Variants in DCLK1 observed in about 807,000 individuals in gnomAD.
DCLK1 encodes the protein serine/threonine-protein kinase DCLK1.
Under a neutral mutation model 86.2 loss-of-function variants are expected in DCLK1, and 16 were observed. The ratio of observed to expected loss-of-function variants is 0.19; its 90% CI spans 0.13 to 0.28. The LOEUF (loss-of-function observed/expected upper bound fraction) is 0.28, where lower values mean the gene tolerates loss of function less well. Ranked by LOEUF, DCLK1 falls within the 10% of genes least tolerant of loss-of-function variation. The probability of loss-of-function intolerance (pLI) is 1.00; values close to 1 mark genes in which losing one functional copy is unlikely to be tolerated. For missense variants in DCLK1, 590 were observed against 940.2 expected, an observed-to-expected ratio of 0.63 and a Z score of 4.87; for synonymous variants, 369 against 370.5, an observed-to-expected ratio of 1.00 and a Z score of 0.05.
chr13:36,042,833 G>A (rs559245427), intron 3 of DCLK1, among the ~76,000 whole-genome samples: 20 of 152,272 alleles, frequency 1.3e-4, no homozygotes, highest in African/African-American at 4.3e-4. Context: ...TTTTTTGTCT[G>A]TTCTGTTCCA....
chr13:35,861,468 C>G (rs1394300298), intron 5 of DCLK1, among the ~76,000 whole-genome samples: 1 of 152,078 alleles, frequency 6.6e-6, no homozygotes, highest in African/African-American at 2.4e-5. Context: ...AAGCCTGGAG[C>G]CAGCCTGGGA....
chr13:36,001,783 T>C (rs1038771577), intron 3 of DCLK1, among the ~76,000 whole-genome samples: 1 of 152,208 alleles, frequency 6.6e-6, no homozygotes, highest in African/African-American at 2.4e-5. Flanking sequence ...TAATTTTTTT[T>C]TTCTTGGAAG....
At chr13:36,035,473 G>C (rs560634697) in intron 3 of DCLK1, among the ~76,000 whole-genome samples, 3 of 152,128 alleles carry the variant, frequency 2.0e-5, no homozygotes, top group East Asian at 3.9e-4. Context: ...AAGTAGTATT[G>C]GGGGGAAAGG....
chr13:35,785,122 T>A (rs560436240), intron 16 of DCLK1, among the ~76,000 whole-genome samples: 1 of 152,260 alleles, frequency 6.6e-6, no homozygotes, highest in Non-Finnish European at 1.5e-5. Context: ...TTATTTCTCA[T>A]GTTTAGCTTA....
intron 6 of DCLK1, chr13:35,848,217 T>A: frequency 2.0e-6 from 2 of 985,250 alleles, no homozygotes; most frequent in Non-Finnish European, 2.4e-6. Context: ...ATTGCCGAAT[T>A]TTTTTTATAA....
intron 11 of DCLK1, among the ~76,000 whole-genome samples, chr13:35,817,627 A>T (rs1249651213): frequency 6.6e-6 from 1 of 152,178 alleles, no homozygotes; most frequent in Non-Finnish European, 1.5e-5. Context: ...TTTGATGAGA[A>T]TCACCATGCC....
At chr13:35,980,335 G>A (rs970287834) in intron 3 of DCLK1, among the ~76,000 whole-genome samples, 3 of 152,066 alleles carry the variant, frequency 2.0e-5, no homozygotes, top group African/African-American at 7.2e-5. Context: ...CGCACCTGTG[G>A]TCCCAGCCAC....
Position 36,056,906 on chromosome 13 carries a change from A to ATAT in DCLK1, c.723+54962_723+54963insATA, listed in dbSNP as rs1555359541. 5.9e-3 allele frequency among the ~76,000 whole-genome samples: 767 copies of ATAT among 130,114 alleles called. 7 individuals carry two copies. The highest frequency in any genetic ancestry group is 0.018 in the African/African-American group (651 of 35,498). The allele number at this position is 130,114 out of a possible 152,430, so 85.4% of individuals were successfully genotyped here. Reference sequence around the variant, plus strand: ...GCAAGACTGTGACAAAAAAAAAAAAAATATATATATATATATATATACACA... The same window carrying ATAT: ...GCAAGACTGTGACAAAAAAAAAAAAATATATATATATATATATATATATACACA... On this transcript the variant is annotated intron_variant, in intron 3 of 16. Transcript: ENST00000360631.
At chr13:35,978,664 ACT>A (rs1566630124) in intron 3 of DCLK1, among the ~76,000 whole-genome samples, 6 of 152,166 alleles carry the variant, frequency 3.9e-5, no homozygotes, top group South Asian at 2.1e-4. Flanking sequence ...GAATTTGAAC[ACT>A]CTCAAACAAC....
intron 3 of DCLK1, among the ~76,000 whole-genome samples, chr13:36,043,546 G>A (rs1170320192): frequency 6.6e-6 from 1 of 152,036 alleles, no homozygotes; most frequent in Non-Finnish European, 1.5e-5. Flanking sequence ...TGCCTAAAGA[G>A]TGCCCAGTAC....
rs1156608774 is a variant in DCLK1 at position 36,017,415 on chromosome 13, A to C, written c.724-69958T>G. Reference sequence around the variant, plus strand: ...AGTCCATAACCTTTGGAATTAAATAAAATCCAGTGCAGGGGATAGTTTGAT... The same window carrying C: ...AGTCCATAACCTTTGGAATTAAATACAATCCAGTGCAGGGGATAGTTTGAT... On this transcript the variant is annotated intron_variant, in intron 3 of 16. Transcript: ENST00000360631. 2.0e-5 allele frequency among the ~76,000 whole-genome samples: 3 copies of C among 152,220 alleles called. No homozygotes were observed. The East Asian group carries it at 5.8e-4, about 29-fold the overall frequency.
intron 3 of DCLK1, among the ~76,000 whole-genome samples, chr13:36,085,506 C>A (rs1884560109): frequency 6.6e-6 from 1 of 152,066 alleles, no homozygotes; most frequent in Non-Finnish European, 1.5e-5. Context: ...TGCCACTGTC[C>A]CCAAAGACAA....
At chr13:35,919,190 C>A (rs141632322) in intron 4 of DCLK1, among the ~76,000 whole-genome samples, 129 of 152,190 alleles carry the variant, frequency 8.5e-4, no homozygotes, top group Non-Finnish European at 1.7e-3. Flanking sequence ...CCACACTCGG[C>A]CCCCAAGAGT....
At chr13:36,110,156 T>C (rs778464980) in intron 3 of DCLK1, among the ~76,000 whole-genome samples, 2 of 152,318 alleles carry the variant, frequency 1.3e-5, no homozygotes, top group South Asian at 2.1e-4. Flanking sequence ...AAATTCAATA[T>C]ATGAAAATTC....
chr13:35,839,293 A>C (rs1294804339), intron 6 of DCLK1, 117 bp from the exon 7 acceptor site: 3 of 793,092 alleles, frequency 3.8e-6, no homozygotes, highest in Non-Finnish European at 6.0e-6. Flanking sequence ...GGAGGATTTG[A>C]TCTTAACACT....
chr13:36,045,340 A>ATCTATC lies in DCLK1; in HGVS notation c.723+66528_723+66529insGATAGA, dbSNP rs765084884. ...TATATGTGTGTGTGTGTGTATATAT[A>ATCTATC]TATATATATATATATATATATATAT... On this transcript the variant is annotated intron_variant, in intron 3 of 16. Transcript: ENST00000360631. Among the ~76,000 whole-genome samples, 67 of 96,990 alleles carry ATCTATC rather than the reference A, an allele frequency of 6.9e-4. 1 individual carries two copies. Among genetic ancestry groups the ATCTATC allele is most frequent in the East Asian group, 3.3e-3 (11 of 3,330 alleles). 63.6% of individuals were successfully genotyped at this position (96,990 alleles called of 152,430 possible).
At chr13:35,831,473 C>T (rs184374015) in intron 8 of DCLK1, among the ~76,000 whole-genome samples, 13 of 152,210 alleles carry the variant, frequency 8.5e-5, no homozygotes, top group East Asian at 1.9e-4. Context: ...ATAATGAATT[C>T]GCCTTCCTGC....
At chr13:35,923,366 C>G (rs545761132) in intron 4 of DCLK1, among the ~76,000 whole-genome samples, 1 of 151,874 alleles carries the variant, frequency 6.6e-6, no homozygotes, top group South Asian at 2.1e-4. Flanking sequence ...ATGCCACTAG[C>G]TTCACTTTCT....
intron 4 of DCLK1, among the ~76,000 whole-genome samples, chr13:35,898,396 A>G (rs924521106): frequency 6.6e-6 from 1 of 152,236 alleles, no homozygotes; most frequent in Non-Finnish European, 1.5e-5. Flanking sequence ...GCAAGTATGC[A>G]TTTAAATGGA....
Sources: gnomAD v4.1 joint callset for allele counts (sites outside exome capture counted in the v4.1 genomes callset) on GRCh38, gnomAD v4.1.1 for gene constraint, MANE v1.5 for transcripts, NCBI Gene and HGNC (gene_info 2026-07-23, HGNC 2026-07-21) for gene names.